Variants in ITGA11 observed in about 807,000 individuals in gnomAD.
ITGA11 encodes the protein integrin subunit alpha 11, also known as integrin alpha-11.
Under a neutral mutation model 141.9 loss-of-function variants are expected in ITGA11, and 97 were observed. The ratio of observed to expected loss-of-function variants is 0.68; its 90% CI spans 0.58 to 0.81. The LOEUF (loss-of-function observed/expected upper bound fraction) is 0.81. Among genes scored for constraint, ITGA11 ranks in the 30% least tolerant of loss-of-function variants. The probability of loss-of-function intolerance (pLI) is 0.00; values close to 1 mark genes in which losing one functional copy is unlikely to be tolerated. For missense variants in ITGA11, 1,387 were observed against 1,559.2 expected, an observed-to-expected ratio of 0.89 and a Z score of 1.86; for synonymous variants, 658 against 624.6, an observed-to-expected ratio of 1.05 and a Z score of -0.80.
At chr15:68,320,772 G>A (rs1057332320) in intron 19 of ITGA11, among the ~76,000 whole-genome samples, 6 of 152,098 alleles carry the variant, frequency 3.9e-5, no homozygotes, top group Non-Finnish European at 8.8e-5. Context: ...TAGAATATGT[G>A]CTCCATTATC....
chr15:68,364,647 A>ACCCCCCCCCCCCCCC, intron 4 of ITGA11, 60 bp downstream of exon 4: 4 of 904,830 alleles, frequency 4.4e-6, no homozygotes, highest in East Asian at 2.6e-5. Context: ...GAGACGCTCC[A>ACCCCCCCCCCCCCCC]CCCCTCCCCA....
rs1212470633 is a variant in ITGA11, at chr15:68,310,872, A to C, written c.3174+122T>G. 1.5e-4 allele frequency: 108 copies of C among 720,534 alleles called. 1 individual carries two copies. In the Admixed American group the frequency reaches 2.4e-3, roughly 16 times the overall value. 44.6% of individuals were successfully genotyped at this position (720,534 alleles called of 1,614,324 possible). On this transcript the variant is annotated intron_variant, in intron 26 of 29. Transcript: ENST00000315757. ...TTTTTCTTGGTTTGGGGCTGGGTAC[A>C]TACAGGTGCTCAGTAAGCTCTTATT...
intron 11 of ITGA11, among the ~76,000 whole-genome samples, chr15:68,338,703 G>A (rs566512701): frequency 6.6e-6 from 1 of 152,382 alleles, no homozygotes; most frequent in East Asian, 1.9e-4. Flanking sequence ...GCATCAGAAA[G>A]ATGGACGCAT....
chr15:68,409,265 T>A (rs1329273966), intron 1 of ITGA11, among the ~76,000 whole-genome samples: 1 of 152,200 alleles, frequency 6.6e-6, no homozygotes, highest in Non-Finnish European at 1.5e-5. Context: ...CTGCCTTGCA[T>A]AACAGCTGCC....
At chr15:68,313,478 CT>C (rs1205152650) in intron 23 of ITGA11, among the ~76,000 whole-genome samples, 2 of 152,184 alleles carry the variant, frequency 1.3e-5, no homozygotes, top group African/African-American at 4.8e-5. Context: ...CATGCATCCA[CT>C]TGTTGCCTAT....
rs1226339954 is a variant in ITGA11 at position 68,322,812 on chromosome 15, C to T, written c.2323-1309G>A. 8.6e-5 allele frequency among the ~76,000 whole-genome samples: 13 copies of T among 150,548 alleles called. No homozygotes were observed. Among genetic ancestry groups the T allele is most frequent in the Admixed American group, 2.0e-4 (3 of 15,070 alleles). On this transcript the variant is annotated intron_variant, in intron 18 of 29. Transcript: ENST00000315757. This position sits in a 1 kb window ranked among gnomAD's most constrained non-coding sequence, Gnocchi z 5.6. ...GGCAGAGGCTGCAGTGGGCCAAGAT[C>T]GTGCCACTACACTCCAACCTGGGTG...
intron 1 of ITGA11, among the ~76,000 whole-genome samples, chr15:68,416,495 A>G (rs143158750): frequency 0.01 from 1,540 of 152,344 alleles, 32 homozygotes; most frequent in African/African-American, 0.034. Flanking sequence ...GCAGATGTCA[A>G]GCTCAAGGAA....
intron 2 of ITGA11, among the ~76,000 whole-genome samples, chr15:68,370,446 G>C (rs186522250): frequency 6.6e-6 from 1 of 152,138 alleles, no homozygotes; most frequent in Non-Finnish European, 1.5e-5. Flanking sequence ...GGCCCTCTAC[G>C]CCTCATCTCT....
At position 68,359,132 on chromosome 15, in the gene ITGA11, AAG is replaced by A. The variant is rs147054956; in HGVS notation, c.473-549_473-548del. On this transcript the variant is annotated intron_variant, in intron 5 of 29. Coordinates refer to ENST00000315757, the MANE Select transcript of ITGA11 (RefSeq NM_001004439.2). ...CTGTAAAAGAGGCACAACAATAGTA[AAG>A]AGTTGCCTAGAGTAATTAATGAGAA... Among the ~76,000 whole-genome samples, 659 of 152,322 alleles carry A rather than the reference AAG, an allele frequency of 4.3e-3. 32 individuals are homozygous for A. In the East Asian group the frequency reaches 0.11, roughly 25 times the overall value.
rs1402692806 is a variant in ITGA11 at position 68,297,260 on chromosome 15, TTTC to T, written c.*5796_*5798del. 6.6e-6 allele frequency: 1 copy of T among 152,110 alleles called. No individual in the cohort carries two copies. Among genetic ancestry groups the T allele is most frequent in the African/African-American group, 2.4e-5 (1 of 41,418 alleles). The allele number at this position is 152,110 out of a possible 1,614,324, so 9.4% of individuals were successfully genotyped here. A position where few individuals can be genotyped will look rare whatever the true frequency, so the allele number is the denominator to read the frequency against. On this transcript the variant is annotated 3_prime_UTR_variant, in exon 30 of 30. Coordinates refer to ENST00000315757, the MANE Select transcript of ITGA11 (RefSeq NM_001004439.2). ...CACCACACCTGGCCTTGGACTAGTA[TTTC>T]TTCATTTGTCTTTTTTAAGTGGGGA...
At chr15:68,351,142 T>C in intron 8 of ITGA11, 116 bp downstream of exon 8, 1 of 1,148,388 alleles carries the variant, frequency 8.7e-7, no homozygotes, top group South Asian at 1.6e-5. Context: ...GGGAGGCTTT[T>C]TTGAGGGCCT....
chr15:68,341,660 G>T (rs2414998), intron 10 of ITGA11, among the ~76,000 whole-genome samples: 5 of 152,226 alleles, frequency 3.3e-5, no homozygotes, highest in African/African-American at 7.2e-5. Flanking sequence ...TTTCTTCCTT[G>T]CTTTCCTCCC....
At chr15:68,365,567 T>C (rs926389608) in intron 3 of ITGA11, 2 of 152,724 alleles carry the variant, frequency 1.3e-5, no homozygotes, top group African/African-American at 4.8e-5. Flanking sequence ...TGTGTGTGTG[T>C]GTGTGTGCAC....
In ITGA11 at chr15:68,300,078, G is replaced by C. The variant is rs72741156; in HGVS notation, c.*2981C>G. 3 of 152,326 alleles carry C rather than the reference G, an allele frequency of 2.0e-5. No individual in the cohort carries two copies. Among genetic ancestry groups the C allele is most frequent in the Non-Finnish European group, 4.4e-5 (3 of 68,028 alleles). The allele number at this position is 152,326 out of a possible 1,614,324, so 9.4% of individuals were successfully genotyped here. A position where few individuals can be genotyped will look rare whatever the true frequency, so the allele number is the denominator to read the frequency against. On this transcript the variant is annotated 3_prime_UTR_variant, in exon 30 of 30. Coordinates refer to ENST00000315757, the MANE Select transcript of ITGA11 (RefSeq NM_001004439.2). Reference sequence around the variant, plus strand: ...TTTAAGAAACTGACATTGAAGATTAGAGAATAGCAGAATATTATAGCTATT... The same window carrying C: ...TTTAAGAAACTGACATTGAAGATTACAGAATAGCAGAATATTATAGCTATT...
intron 2 of ITGA11, among the ~76,000 whole-genome samples, chr15:68,371,717 C>A (rs556358404): frequency 6.6e-6 from 1 of 151,598 alleles, no homozygotes; most frequent in Non-Finnish European, 1.5e-5. Flanking sequence ...GACTCTATCT[C>A]GGGGAAAAGA....
intron 2 of ITGA11, among the ~76,000 whole-genome samples, chr15:68,374,929 C>G (rs1466310436): frequency 2.0e-5 from 3 of 152,246 alleles, no homozygotes; most frequent in African/African-American, 7.2e-5. Flanking sequence ...TGATTTTGAT[C>G]TCCAGGACAG....
intron 1 of ITGA11, among the ~76,000 whole-genome samples, chr15:68,415,973 T>C (rs1171649436): frequency 6.6e-6 from 1 of 152,154 alleles, no homozygotes; most frequent in Non-Finnish European, 1.5e-5. Context: ...CTGTCCTCTG[T>C]CAATTCCACC....
At chr15:68,417,857 A>C (rs1013029647) in intron 1 of ITGA11, among the ~76,000 whole-genome samples, 2 of 152,250 alleles carry the variant, frequency 1.3e-5, no homozygotes, top group African/African-American at 4.8e-5. Context: ...ATCCATTGCT[A>C]TGGAGAATCT....
Position 68,307,345 on chromosome 15 carries a change from C to A in ITGA11, c.3381+3G>T. 2 of 1,552,712 alleles carry A rather than the reference C, an allele frequency of 1.3e-6. No homozygotes were observed. Among genetic ancestry groups the A allele is most frequent in the Non-Finnish European group, 1.7e-6 (2 of 1,146,988 alleles). ...CAGTTCTGCAGGGCTCCCAGGGGCT[C>A]ACCTGGCGGCTGGGATCCTCCTCAC... On this transcript the variant is annotated splice_donor_region_variant and intron_variant, in intron 28 of 29. Transcript: ENST00000315757. This position sits in a 1 kb window ranked among gnomAD's most constrained non-coding sequence, Gnocchi z 6.1.
Sources: gnomAD v4.1 joint callset for allele counts (sites outside exome capture counted in the v4.1 genomes callset) on GRCh38, gnomAD v4.1.1 for gene constraint, Gnocchi (gnomAD v3.1) non-coding constraint, MANE v1.5 for transcripts, NCBI Gene and HGNC (gene_info 2026-07-23, HGNC 2026-07-21) for gene names.